Variants in DNAH9 observed in about 807,000 individuals in gnomAD.
DNAH9 encodes DNAH9 variant protein.
A neutral mutation model predicts 471.6 loss-of-function variants in DNAH9; 345 were observed. That is an observed-to-expected ratio of 0.73 (90% CI 0.67 to 0.80). DNAH9 has a LOEUF of 0.80. DNAH9 is among the 30% of genes least tolerant of loss of function. The pLI is 0.00. For synonymous variants in DNAH9, 2,093 were observed against 2,123.6 expected (o/e 0.99, Z 0.40); for missense variants, 5,407 against 5,609.2 (o/e 0.96, Z 1.15).
intron 41 of DNAH9, among the ~76,000 whole-genome samples, chr17:11,792,053 G>C (rs1014395884): frequency 7.2e-5 from 11 of 152,072 alleles, no homozygotes; most frequent in African/African-American, 2.7e-4. Context: ...GGGCCGAGGT[G>C]GGTGGATCAC....
chr17:11,797,815 C>A (rs1478670343), intron 43 of DNAH9, 22 bp downstream of exon 43: 1 of 1,601,156 alleles, frequency 6.2e-7, no homozygotes, highest in Non-Finnish European at 8.5e-7. Flanking sequence ...TCTCCTCTTC[C>A]TTTTCCTCAG....
chr17:11,924,097 A>G (rs1974232376), intron 62 of DNAH9, among the ~76,000 whole-genome samples, 156 bp downstream of exon 62: 1 of 151,280 alleles, frequency 6.6e-6, no homozygotes, highest in Admixed American at 6.6e-5. Flanking sequence ...AGTTCTCCTC[A>G]CTCATATGTT....
At chr17:11,740,764 T>A (rs1567764465) in intron 29 of DNAH9, among the ~76,000 whole-genome samples, 1 of 152,198 alleles carries the variant, frequency 6.6e-6, no homozygotes, top group Non-Finnish European at 1.5e-5. Flanking sequence ...TAACCCTAGT[T>A]ACTAGGGTTA....
At chr17:11,913,790 A>AAAAAG (rs1232375182) in intron 61 of DNAH9, among the ~76,000 whole-genome samples, 1 of 152,012 alleles carries the variant, frequency 6.6e-6, no homozygotes, top group East Asian at 1.9e-4. Flanking sequence ...TCAAAAAAAA[A>AAAAAG]AAAAGAAAAG....
chr17:11,738,828 C>T, intron 28 of DNAH9, 52 bp from the exon 29 acceptor site: 2 of 1,534,626 alleles, frequency 1.3e-6, no homozygotes, highest in East Asian at 2.3e-5. Context: ...AGTTATGATC[C>T]CTCCACTAAA....
At chr17:11,609,970 C>A (rs1320480201) in intron 2 of DNAH9, among the ~76,000 whole-genome samples, 1 of 152,160 alleles carries the variant, frequency 6.6e-6, no homozygotes, top group Non-Finnish European at 1.5e-5. Context: ...CTTGGGAGAG[C>A]CAACCTATTG....
chr17:11,720,208 T>C (rs1023942962), intron 27 of DNAH9, among the ~76,000 whole-genome samples: 1 of 152,008 alleles, frequency 6.6e-6, no homozygotes, highest in African/African-American at 2.4e-5. Flanking sequence ...TCTTTTTTTC[T>C]TTTTTTTCTT....
chr17:11,666,211 T>G (rs984669616), intron 15 of DNAH9, among the ~76,000 whole-genome samples: 2 of 152,172 alleles, frequency 1.3e-5, no homozygotes, highest in African/African-American at 4.8e-5. Flanking sequence ...CCAAGCCTCC[T>G]CTAATGCTGG....
chr17:11,800,296 A>G (rs534738331), intron 43 of DNAH9, among the ~76,000 whole-genome samples: 11 of 149,608 alleles, frequency 7.4e-5, no homozygotes, highest in Admixed American at 3.3e-4. Flanking sequence ...TCTAGTCCCT[A>G]CACCTGCGCC....
chr17:11,898,128 TTTTC>T lies in DNAH9; in HGVS notation c.11406+3636_11406+3639del, dbSNP rs1387932242. On this transcript the variant is annotated intron_variant, in intron 59 of 68. Coordinates refer to ENST00000262442, the MANE Select transcript of DNAH9 (RefSeq NM_001372.4). ...CTGCCTTTCCACTTCTTTCTTTTCC[TTTTC>T]TTTTTTTTTTTGAGGCGGAGTCTCG... Among the ~76,000 whole-genome samples the T allele has an allele frequency of 3.2e-3, 290 of 90,562 alleles. 1 individual carries two copies. The highest frequency in any genetic ancestry group is 7.8e-3 in the East Asian group (30 of 3,846). 59.4% of individuals were successfully genotyped at this position (90,562 alleles called of 152,430 possible). A position where few individuals can be genotyped will look rare whatever the true frequency, so the allele number is the denominator to read the frequency against.
intron 32 of DNAH9, 85 bp downstream of exon 32, chr17:11,747,851 G>T: frequency 1.6e-6 from 2 of 1,230,310 alleles, no homozygotes; most frequent in Non-Finnish European, 2.4e-6. Flanking sequence ...GTGAATTGCA[G>T]AAGCAAACAT....
chr17:11,845,004 T>A (rs1323625452), intron 49 of DNAH9, among the ~76,000 whole-genome samples: 2 of 152,116 alleles, frequency 1.3e-5, no homozygotes, highest in Non-Finnish European at 2.9e-5. Context: ...ACCATCTTTT[T>A]TTTTTTATTT....
chr17:11,681,054 G>A (rs1188732010), intron 19 of DNAH9, among the ~76,000 whole-genome samples, 165 bp downstream of exon 19: 2 of 152,136 alleles, frequency 1.3e-5, no homozygotes, highest in Non-Finnish European at 2.9e-5. Flanking sequence ...AATGTGGACT[G>A]AATCCTATCA....
At chr17:11,738,734 G>T (rs1479286297) in intron 28 of DNAH9, 146 bp from the exon 29 acceptor site, 1 of 687,054 alleles carries the variant, frequency 1.5e-6, no homozygotes, top group Non-Finnish European at 2.5e-6. Context: ...AAGGGTCTGG[G>T]GTGTGGTCAT....
intron 28 of DNAH9, among the ~76,000 whole-genome samples, chr17:11,728,549 CTT>C: frequency 7.1e-6 from 1 of 141,458 alleles, no homozygotes; most frequent in East Asian, 2.1e-4. Context: ...ACAAAAAAAA[CTT>C]GAGCTCTTGA....
At chr17:11,831,246 T>C (rs1970676281) in intron 48 of DNAH9, among the ~76,000 whole-genome samples, 1 of 152,198 alleles carries the variant, frequency 6.6e-6, no homozygotes. Context: ...CACCAATGTC[T>C]GCATCTGATG....
chr17:11,763,550 T>G lies in DNAH9; in HGVS notation c.7106T>G (p.Ile2369Ser), dbSNP rs780530130. The G allele has an allele frequency of 1.2e-6, 2 of 1,614,124 alleles. No homozygotes were observed. The highest frequency in any genetic ancestry group is 1.7e-6 in the Non-Finnish European group (2 of 1,180,008). Residue 2369 changes from isoleucine to serine, a missense_variant, in exon 36 of 69, where the codon ATT (isoleucine) becomes AGT (serine). By Grantham distance (142) the Ile-to-Ser change is moderately radical. Around this residue, in one of 3 missense-constraint regions of DNAH9, gnomAD observed 4,636 missense variants for 4,900.3 expected, o/e 0.95. Coordinates refer to ENST00000262442, the MANE Select transcript of DNAH9 (RefSeq NM_001372.4). ...EDIPADCPKE[I>S]YEHYFVFAAI... ...ATCCCTGCAGACTGCCCTAAGGAAA[T>G]TTATGAGCATTATTTTGTGTTTGCT...
intron 27 of DNAH9, among the ~76,000 whole-genome samples, chr17:11,726,815 A>G (rs1655853957): frequency 1.3e-5 from 2 of 152,124 alleles, no homozygotes. Flanking sequence ...TTGGGAGGCC[A>G]AGGCGGGTTG....
intron 33 of DNAH9, among the ~76,000 whole-genome samples, chr17:11,755,514 T>A (rs1435890614): frequency 2.6e-5 from 4 of 152,214 alleles, no homozygotes; most frequent in Non-Finnish European, 4.4e-5. Flanking sequence ...GGTTTTGTAA[T>A]TCTTTTTGTA....
Sources: allele counts gnomAD v4.1 joint callset (sites outside exome capture counted in the v4.1 genomes callset), GRCh38; gene constraint gnomAD v4.1.1; regional missense constraint gnomAD v4.1.1; transcripts MANE v1.5; gene names NCBI Gene and HGNC (gene_info 2026-07-23, HGNC 2026-07-21).